Variants in CPLANE1 observed in about 807,000 individuals in gnomAD.
CPLANE1 encodes the protein ciliogenesis and planar polarity effector complex subunit 1, also known as ciliogenesis and planar polarity effector 1.
In CPLANE1, 263 loss-of-function variants were observed where a neutral mutation model predicts 362.5. The observed-to-expected ratio is 0.73, with a 90% CI of 0.66 to 0.80. CPLANE1 has a LOEUF of 0.80. Ranked by LOEUF, CPLANE1 falls within the 30% of genes least tolerant of loss-of-function variation. The pLI, the probability that CPLANE1 is intolerant of heterozygous loss-of-function variation, is 0.00. For synonymous variants in CPLANE1, 1,212 were observed against 1,302.6 expected (o/e 0.93, Z 1.50); for missense variants, 3,461 against 3,793.4 (o/e 0.91, Z 2.30).
chr5:37,249,062 G>C (rs1202972415), intron 1 of CPLANE1, among the ~76,000 whole-genome samples, 183 bp downstream of exon 1: 1 of 152,242 alleles, frequency 6.6e-6, no homozygotes, highest in African/African-American at 2.4e-5. Context: ...CCCAGAGCGA[G>C]GACGGGCCCG....
chr5:37,215,354 G>C (rs1268585660), intron 15 of CPLANE1, among the ~76,000 whole-genome samples: 1 of 151,860 alleles, frequency 6.6e-6, no homozygotes, highest in East Asian at 1.9e-4. Flanking sequence ...TGGCCTCTTA[G>C]GATTTTCTTA....
chr5:37,241,522 T>C (rs1800471243), intron 6 of CPLANE1, among the ~76,000 whole-genome samples: 1 of 152,210 alleles, frequency 6.6e-6, no homozygotes, highest in African/African-American at 2.4e-5. Flanking sequence ...ACTTTGGGGA[T>C]AGTATCAATG....
chr5:37,210,648 G>A, intron 16 of CPLANE1: 1 of 1,596,340 alleles, frequency 6.3e-7, no homozygotes, highest in Non-Finnish European at 8.6e-7. Flanking sequence ...TATGCTGAAT[G>A]AAAAGGTTAA....
intron 8 of CPLANE1, among the ~76,000 whole-genome samples, chr5:37,231,421 G>A (rs370922536): frequency 2.5e-4 from 38 of 152,244 alleles, no homozygotes; most frequent in Admixed American, 2.5e-3. Context: ...ATACAAATAA[G>A]CCAGGCGTGG....
chr5:37,151,353 CACA>C (rs1315835417), intron 42 of CPLANE1, among the ~76,000 whole-genome samples: 3 of 152,342 alleles, frequency 2.0e-5, no homozygotes, highest in East Asian at 1.9e-4. Context: ...CCCGTCCAGT[CACA>C]ACATGTCAGG....
intron 16 of CPLANE1, chr5:37,212,112 T>C: frequency 1.1e-6 from 1 of 938,720 alleles, no homozygotes; most frequent in South Asian, 1.3e-5. Flanking sequence ...AGAAAAACTG[T>C]ATCAGGAAAG....
At position 37,167,224 on chromosome 5, in the gene CPLANE1, G is replaced by A. The variant is rs1778489618; in HGVS notation, c.7234-11C>T. ...TTGTGTTTTTTTGCACTACAAGAAA[G>A]AAACAAAGCATAAGAATGACAAATT... On this transcript the variant is annotated splice_polypyrimidine_tract_variant and intron_variant, in intron 34 of 52. Coordinates refer to ENST00000651892, the MANE Select transcript of CPLANE1 (RefSeq NM_001384732.1). 6.3e-7 allele frequency: 1 copy of A among 1,594,692 alleles called. No individual in the cohort carries two copies. Among genetic ancestry groups the A allele is most frequent in the African/African-American group, 1.4e-5 (1 of 73,908 alleles).
Position 37,138,655 on chromosome 5 carries a change from A to C in CPLANE1, c.8792+65T>G, listed in dbSNP as rs1420346202. The C allele has an allele frequency of 2.0e-6, 3 of 1,520,716 alleles. No homozygotes were observed. The East Asian group carries it at 6.8e-5, about 35-fold the overall frequency. 94.2% of individuals were successfully genotyped at this position (1,520,716 alleles called of 1,614,324 possible). A position where few individuals can be genotyped will look rare whatever the true frequency, so the allele number is the denominator to read the frequency against. On this transcript the variant is annotated intron_variant, in intron 46 of 52. Transcript: ENST00000651892. Reference sequence around the variant, plus strand: ...ATAAAAATCACATTAAAATATGACAAATTTTGAACATTCTTGAATGAGAAG... The same window carrying C: ...ATAAAAATCACATTAAAATATGACACATTTTGAACATTCTTGAATGAGAAG...
chr5:37,158,620 AAAATTTCCTATTTCCGT>A (rs1775866594), intron 38 of CPLANE1, among the ~76,000 whole-genome samples: 1 of 152,212 alleles, frequency 6.6e-6, no homozygotes, highest in South Asian at 2.1e-4. Flanking sequence ...AGAAAATGCT[AAAATTTCCTATTTCCGT>A]ATCAGATATA....
intron 51 of CPLANE1, among the ~76,000 whole-genome samples, chr5:37,109,749 C>T (rs1758580627): frequency 6.6e-6 from 1 of 152,144 alleles, no homozygotes; most frequent in South Asian, 2.1e-4. Context: ...CTCTGCCTCC[C>T]GGATTCAAGC....
Position 37,142,433 on chromosome 5 carries a change from C to T in CPLANE1, c.8509G>A (p.Glu2837Lys). The T allele has an allele frequency of 6.2e-7, 1 of 1,607,542 alleles. No individual in the cohort carries two copies. Among genetic ancestry groups the T allele is most frequent in the Non-Finnish European group, 8.5e-7 (1 of 1,177,370 alleles). Residue 2837 changes from glutamate (E) to lysine (K), a missense_variant, in exon 44 of 53, where the codon GAG (glutamate) becomes AAG (lysine). This residue lies in a region of CPLANE1 where 3,380 missense variants were observed against 3,666.1 expected (regional missense o/e 0.92). Transcript: ENST00000651892. Reference protein sequence around the residue: ...MDEEDQSDKKETSEPEFSITE... With the variant: ...MDEEDQSDKKKTSEPEFSITE... ...ATTGAAAATTCAGGTTCTGAAGTCTCCTTTTTGTCACTTTGATCTTCTTCA... is the reference window on the plus strand; with the variant it reads ...ATTGAAAATTCAGGTTCTGAAGTCTTCTTTTTGTCACTTTGATCTTCTTCA...
At position 37,209,308 on chromosome 5, in the gene CPLANE1, TA is replaced by T. The variant is rs1791905938; in HGVS notation, c.2921-2884del. The T allele has an allele frequency of 3.8e-6, 3 of 791,344 alleles. No homozygotes were observed. Among genetic ancestry groups the T allele is most frequent in the South Asian group, 1.4e-5 (1 of 73,786 alleles). The allele number at this position is 791,344 out of a possible 1,614,324, so 49.0% of individuals were successfully genotyped here. A position where few individuals can be genotyped will look rare whatever the true frequency, so the allele number is the denominator to read the frequency against. The stretch of plus-strand genomic sequence containing the variant: ...TGGCCCTACAGCCCCAGCTGGGCAC[TA>T]AACTCGGGCCACGGCGGGGCGAGCG... On this transcript the variant is annotated intron_variant, in intron 16 of 52. Coordinates refer to ENST00000651892, the MANE Select transcript of CPLANE1 (RefSeq NM_001384732.1). The surrounding 1 kb of genome is among the most constrained non-coding windows in gnomAD (Gnocchi z 4.6).
chr5:37,141,798 A>G, intron 44 of CPLANE1: 1 of 978,496 alleles, frequency 1.0e-6, no homozygotes, highest in African/African-American at 1.7e-5. Flanking sequence ...GCTACCTCCA[A>G]ATGAAATAAA....
In CPLANE1 at chr5:37,214,974, A is replaced by G. The variant is rs533900672; in HGVS notation, c.2747-1242T>C. 6.6e-5 allele frequency among the ~76,000 whole-genome samples: 10 copies of G among 152,396 alleles called. No individual in the cohort carries two copies. The South Asian group carries it at 2.1e-3, about 32-fold the overall frequency. On this transcript the variant is annotated intron_variant, in intron 15 of 52. Coordinates refer to ENST00000651892, the MANE Select transcript of CPLANE1 (RefSeq NM_001384732.1). The stretch of plus-strand genomic sequence containing the variant: ...GGTTGTCTACCATTTCAGACAATTA[A>G]TCTTGGAAACAGATAACATAAACTT...
chr5:37,229,290 A>G (rs1438135294), intron 9 of CPLANE1, among the ~76,000 whole-genome samples: 1 of 151,906 alleles, frequency 6.6e-6, no homozygotes, highest in Non-Finnish European at 1.5e-5. Flanking sequence ...GCGGTGGCTC[A>G]AGCCTGTAAT....
intron 8 of CPLANE1, among the ~76,000 whole-genome samples, chr5:37,235,514 G>A (rs563448456): frequency 6.1e-5 from 9 of 147,164 alleles, no homozygotes; most frequent in Admixed American, 2.7e-4. Context: ...CCTAAAACTC[G>A]TATGGAACCA....
chr5:37,163,732 G>C (rs1227501601), intron 37 of CPLANE1, among the ~76,000 whole-genome samples: 1 of 152,016 alleles, frequency 6.6e-6, no homozygotes, highest in Admixed American at 6.6e-5. Context: ...GTGTCTCTTT[G>C]CAAGCCCTTA....
intron 5 of CPLANE1, among the ~76,000 whole-genome samples, chr5:37,243,936 C>T (rs894983498): frequency 5.3e-5 from 8 of 151,052 alleles, no homozygotes; most frequent in Admixed American, 1.3e-4. Context: ...CTGCAACCTC[C>T]GCCTCCCAGG....
chr5:37,099,324 C>A, the CPLANE1 span, among the ~76,000 whole-genome samples: 1 of 152,126 alleles, frequency 6.6e-6, no homozygotes, highest in Non-Finnish European at 1.5e-5. Context: ...GTTGTTCCCC[C>A]ACACCCCGCC....
Sources: gnomAD v4.1 joint callset for allele counts (sites outside exome capture counted in the v4.1 genomes callset) on GRCh38, gnomAD v4.1.1 for gene constraint, gnomAD v4.1.1 regional missense constraint, Gnocchi (gnomAD v3.1) non-coding constraint, MANE v1.5 for transcripts, NCBI Gene and HGNC (gene_info 2026-07-23, HGNC 2026-07-21) for gene names.